The following ZNF839 variants were observed in gnomAD, a reference collection of about 807,000 sequenced individuals.
ZNF839 encodes renal carcinoma antigen NY-REN-50.
ZNF839 carries 38 observed loss-of-function variants against 56.4 expected under a neutral mutation model. The ratio of observed to expected loss-of-function variants is 0.67; its 90% confidence interval spans 0.52 to 0.88. The LOEUF (loss-of-function observed/expected upper bound fraction) is 0.88. Ranked by LOEUF, ZNF839 falls within the 40% of genes least tolerant of loss-of-function variation. The pLI, the probability that ZNF839 is intolerant of heterozygous loss-of-function variation, is 0.00. For synonymous variants in ZNF839, 486 were observed against 493.5 expected (o/e 0.98, Z 0.20); for missense variants, 1,091 against 1,177.6 (o/e 0.93, Z 1.08).
chr14:102,335,725 G>C lies in ZNF839; in HGVS notation c.1546G>C (p.Ala516Pro). ...KDHLAKPFFP[A>P]IYKEFEELHK... Reference sequence around the variant, plus strand: ...TCATCTAGCAAAGCCTTTTTTCCCAGCTATATATAAGGAATTTGAAGAGTT... The same window carrying C: ...TCATCTAGCAAAGCCTTTTTTCCCACCTATATATAAGGAATTTGAAGAGTT... Residue 516 changes from alanine (A) to proline (P), a missense_variant, in exon 5 of 8, where the codon GCT becomes CCT. By Grantham distance (27) the Ala-to-Pro change is conservative. Around this residue, in one of 3 missense-constraint regions of ZNF839, gnomAD observed 46 missense variants for 80.4 expected, o/e 0.57. Transcript: ENST00000442396. 6.3e-7 allele frequency: 1 copy of C among 1,598,670 alleles called. No individual in the cohort carries two copies. Among genetic ancestry groups the C allele is most frequent in the Non-Finnish European group, 8.5e-7 (1 of 1,179,244 alleles).
chr14:102,336,743 T>A (rs1480980596), intron 5 of ZNF839: 4 of 344,776 alleles, frequency 1.2e-5, no homozygotes, highest in Non-Finnish European at 2.3e-5. Flanking sequence ...CTTTTTTTTT[T>A]TTTGTTTTGA....
chr14:102,340,128 A>G (rs950452991), intron 7 of ZNF839, among the ~76,000 whole-genome samples: 14 of 151,494 alleles, frequency 9.2e-5, no homozygotes, highest in Admixed American at 2.6e-4. Context: ...ACCCGCCATC[A>G]TGCCCGGCTA....
intron 2 of ZNF839, among the ~76,000 whole-genome samples, chr14:102,328,141 G>A (rs887652211): frequency 1.3e-5 from 2 of 151,566 alleles, no homozygotes; most frequent in African/African-American, 4.8e-5. Context: ...GATCACCTCA[G>A]GTGACGAGTT....
chr14:102,327,962 A>G (rs1437597741), intron 2 of ZNF839, among the ~76,000 whole-genome samples: 1 of 152,118 alleles, frequency 6.6e-6, no homozygotes, highest in Non-Finnish European at 1.5e-5. Flanking sequence ...CTGGCTGCTT[A>G]GCGTGTCCTC....
chr14:102,329,476 C>A (rs747219999), intron 2 of ZNF839, among the ~76,000 whole-genome samples: 1 of 151,958 alleles, frequency 6.6e-6, no homozygotes, highest in Non-Finnish European at 1.5e-5. Context: ...CCTCTGCCCC[C>A]TCGTTTCAAG....
At position 102,326,933 on chromosome 14, in the gene ZNF839, G is replaced by C. The variant is rs571985422; in HGVS notation, c.1191+46G>C. Reference sequence around the variant, plus strand: ...TGTGTCTTTTTATTTGGCCGTTCTCGGATTGCTATAAAGAAATACCTGAGA... The same window carrying C: ...TGTGTCTTTTTATTTGGCCGTTCTCCGATTGCTATAAAGAAATACCTGAGA... On this transcript the variant is annotated intron_variant, in intron 2 of 7. Coordinates refer to ENST00000442396, the MANE Select transcript of ZNF839 (RefSeq NM_018335.6). The surrounding 1 kb of genome is among the most constrained non-coding windows in gnomAD (Gnocchi z 4.3). 6.6e-7 allele frequency: 1 copy of C among 1,507,740 alleles called. No individual in the cohort carries two copies. Among genetic ancestry groups the C allele is most frequent in the Non-Finnish European group, 8.9e-7 (1 of 1,128,044 alleles). The allele number at this position is 1,507,740 out of a possible 1,614,324, so 93.4% of individuals were successfully genotyped here. A position where few individuals can be genotyped will look rare whatever the true frequency, so the allele number is the denominator to read the frequency against.
In ZNF839 at chr14:102,319,894, G is replaced by A. The variant is rs112795025; in HGVS notation, c.129G>A (p.Gln43=). 31,180 of 1,295,168 alleles carry A rather than the reference G, an allele frequency of 0.024. 466 individuals are homozygous for A. Among genetic ancestry groups the A allele is most frequent in the Middle Eastern group, 0.041 (139 of 3,420 alleles). The allele number at this position is 1,295,168 out of a possible 1,614,324, so 80.2% of individuals were successfully genotyped here. ...VAPLGPEQLR[Q]VLEQVTKAQP... is the part of the protein sequence containing the mutation. ...CGCTGGGCCCCGAGCAGCTGCGGCAGGTCCTGGAGCAGGTGACGAAGGCGC... is the reference window on the plus strand; with the variant it reads ...CGCTGGGCCCCGAGCAGCTGCGGCAAGTCCTGGAGCAGGTGACGAAGGCGC... Residue 43 remains glutamine (Q), a synonymous_variant, in exon 1 of 8, where the codon CAG becomes CAA. Coordinates refer to ENST00000442396, the MANE Select transcript of ZNF839 (RefSeq NM_018335.6). This position sits in a 1 kb window ranked among gnomAD's most constrained non-coding sequence, Gnocchi z 4.5.
At chr14:102,331,320 C>T (rs1597722988) in intron 2 of ZNF839, among the ~76,000 whole-genome samples, 1 of 152,156 alleles carries the variant, frequency 6.6e-6, no homozygotes, top group Non-Finnish European at 1.5e-5. Context: ...ACCATCTTGG[C>T]TCACTGCAAC....
intron 7 of ZNF839, 150 bp downstream of exon 7, chr14:102,339,373 TC>T: frequency 8.9e-7 from 1 of 1,125,268 alleles, no homozygotes; most frequent in Non-Finnish European, 1.2e-6. Context: ...CATTCCAGCC[TC>T]CCAGTGTTCT....
chr14:102,319,560 A>AG (rs914303073), upstream of ZNF839: 5 of 545,964 alleles, frequency 9.2e-6, no homozygotes, highest in East Asian at 3.8e-5. This position sits in a 1 kb window ranked among gnomAD's most constrained non-coding sequence, Gnocchi z 4.5. Context: ...AAGGAAAATA[A>AG]GGGGGGTCCG....
At chr14:102,338,396 GGC>G (rs1165633205) in intron 5 of ZNF839, among the ~76,000 whole-genome samples, 10 of 151,832 alleles carry the variant, frequency 6.6e-5, no homozygotes, top group African/African-American at 2.4e-4. Flanking sequence ...AAATTAGCCA[GGC>G]ATGGTGGTGC....
chr14:102,341,305 GT>G lies in ZNF839; in HGVS notation c.1928-15del, dbSNP rs758055316. ...GACACAGTACACGCCATGTTCACCT[GT>G]TTCCCAAAATGTTTAGGTTTTTCCC... is the stretch of plus-strand genomic sequence containing the variant. On this transcript the variant is annotated splice_polypyrimidine_tract_variant and intron_variant, in intron 7 of 7. Transcript: ENST00000442396. The G allele has an allele frequency of 1.3e-6, 2 of 1,514,826 alleles. No individual in the cohort carries two copies. Among genetic ancestry groups the G allele is most frequent in the East Asian group, 2.3e-5 (1 of 43,928 alleles). 93.8% of individuals were successfully genotyped at this position (1,514,826 alleles called of 1,614,324 possible).
At position 102,338,958 on chromosome 14, in the gene ZNF839, G is replaced by A. The variant is rs377156958; in HGVS notation, c.1797+5G>A. On this transcript the variant is annotated splice_donor_5th_base_variant and intron_variant, in intron 6 of 7. Transcript: ENST00000442396. Reference sequence around the variant, plus strand: ...AGCGAGAAGAGGGAACGTGAGGTGGGCATGGCTGAAGTGGGTGCCAGGTGA... The same window carrying A: ...AGCGAGAAGAGGGAACGTGAGGTGGACATGGCTGAAGTGGGTGCCAGGTGA... 1 of 1,614,000 alleles carries A rather than the reference G, an allele frequency of 6.2e-7. No individual in the cohort carries two copies.
upstream of ZNF839, among the ~76,000 whole-genome samples, chr14:102,318,632 C>CAAA (rs200585269): frequency 5.6e-5 from 7 of 124,622 alleles, 1 homozygote; most frequent in African/African-American, 1.7e-4. Context: ...GATCTTGTCT[C>CAAA]AAAAAAAAAA....
chr14:102,329,817 G>A (rs1333122415), intron 2 of ZNF839, among the ~76,000 whole-genome samples: 4 of 106,328 alleles, frequency 3.8e-5, no homozygotes, highest in South Asian at 3.0e-4. Context: ...TTTTTGAGAC[G>A]AAGTTTTGCT....
chr14:102,326,056 G>A lies in ZNF839; in HGVS notation c.360G>A (p.Pro120=), dbSNP rs760986223. The A allele has an allele frequency of 1.7e-5, 28 of 1,613,484 alleles. No homozygotes were observed. The highest frequency in any genetic ancestry group is 1.6e-4 in the Middle Eastern group (1 of 6,084). Residue 120 remains proline (P), a synonymous_variant, in exon 2 of 8, where the codon CCG becomes CCA. Transcript: ENST00000442396. This position sits in a 1 kb window ranked among gnomAD's most constrained non-coding sequence, Gnocchi z 4.3. ...TKGQERPMLL[P]TTIQPQTARK... ...GTCAGGAAAGGCCAATGCTCCTACC[G>A]ACCACAATCCAGCCCCAAACTGCAA...
At chr14:102,339,759 GGA>G (rs1017671725) in intron 7 of ZNF839, among the ~76,000 whole-genome samples, 3 of 151,158 alleles carry the variant, frequency 2.0e-5, no homozygotes, top group Non-Finnish European at 4.4e-5. Flanking sequence ...AAAAAAAAAA[GGA>G]GAGCCACCAA....
At chr14:102,325,929 A>G in intron 1 of ZNF839, 56 bp from the exon 2 acceptor site, 1 of 1,540,334 alleles carries the variant, frequency 6.5e-7, no homozygotes, top group Non-Finnish European at 8.8e-7. Context: ...CTGAAATTGC[A>G]GACATGTTCA....
Position 102,331,840 on chromosome 14 carries a change from C to T in ZNF839, c.1410C>T (p.Leu470=), listed in dbSNP as rs750037013. The change falls in exon 3 of 8, where the codon CTC becomes CTT. Residue 470 remains leucine (L), a synonymous_variant. Coordinates refer to ENST00000442396, the MANE Select transcript of ZNF839 (RefSeq NM_018335.6). ...EQRASPSKAR[L]KEFLQQCDRE... ...GGGCGTCGCCAAGCAAAGCCAGGCT[C>T]AAGGAGGTACCTCACTCTTAAACCC... 19 of 1,560,098 alleles carry T rather than the reference C, an allele frequency of 1.2e-5. No homozygotes were observed. In the East Asian group the frequency reaches 2.4e-4, roughly 19 times the overall value.
Sources: allele counts gnomAD v4.1 joint callset (sites outside exome capture counted in the v4.1 genomes callset), GRCh38; gene constraint gnomAD v4.1.1; regional missense constraint gnomAD v4.1.1; non-coding constraint Gnocchi (gnomAD v3.1); transcripts MANE v1.5; gene names NCBI Gene and HGNC (gene_info 2026-07-23, HGNC 2026-07-21).